MROH1: variants seen among roughly 807,000 people sequenced by gnomAD.
MROH1 encodes the protein maestro heat like repeat family member 1.
A neutral mutation model predicts 116.5 loss-of-function variants in MROH1; 117 were observed. The observed-to-expected ratio is 1.00, with a 90% CI of 0.86 to 1.17. MROH1 has a LOEUF of 1.17. Among genes scored for constraint, MROH1 ranks in the 50% most tolerant of loss-of-function variants. The probability of loss-of-function intolerance (pLI) is 0.00; values close to 1 mark genes in which losing one functional copy is unlikely to be tolerated. For synonymous variants in MROH1, 921 were observed against 583.9 expected, an observed-to-expected ratio of 1.58 and a Z score of -8.32; for missense variants, 1,873 against 1,338.5, an observed-to-expected ratio of 1.40 and a Z score of -6.23.
intron 1 of MROH1, among the ~76,000 whole-genome samples, chr8:144,160,417 C>T (rs925112067): frequency 2.0e-5 from 3 of 152,342 alleles, no homozygotes; most frequent in Middle Eastern, 6.8e-3. Context: ...TTGTGTGGCT[C>T]TTTCTGCAGC....
intron 35 of MROH1, among the ~76,000 whole-genome samples, chr8:144,256,281 G>T (rs1016520418): frequency 6.6e-6 from 1 of 152,124 alleles, no homozygotes; most frequent in African/African-American, 2.4e-5. Context: ...CCATGTGAAC[G>T]CAGGGCTGCC....
In MROH1 at chr8:144,248,922, C is replaced by A; in HGVS notation, c.3166C>A (p.Leu1056Ile). 1 of 777,144 alleles carries A rather than the reference C, an allele frequency of 1.3e-6. No homozygotes were observed. The highest frequency in any genetic ancestry group is 2.4e-6 in the Non-Finnish European group (1 of 416,370). 48.1% of individuals were successfully genotyped at this position (777,144 alleles called of 1,614,324 possible). A position where few individuals can be genotyped will look rare whatever the true frequency, so the allele number is the denominator to read the frequency against. ...LPPDQLISLL[L>I]TMFEALGDPE... Reference sequence around the variant, plus strand: ...CCCAGACCAGCTCATCAGCCTCTTGCTAACCATGTTTGAGGCCCTGGGAGA... The same window carrying A: ...CCCAGACCAGCTCATCAGCCTCTTGATAACCATGTTTGAGGCCCTGGGAGA... Residue 1056 changes from leucine to isoleucine, a missense_variant, in exon 32 of 44, where the codon CTA (leucine) becomes ATA (isoleucine). Physicochemically the swap from Leu to Ile is conservative, Grantham distance 5. Transcript: ENST00000326134.
At chr8:144,219,752 C>T (rs1484655006) in intron 12 of MROH1, among the ~76,000 whole-genome samples, 1 of 152,182 alleles carries the variant, frequency 6.6e-6, no homozygotes, top group Non-Finnish European at 1.5e-5. Flanking sequence ...GGAACATTGG[C>T]ATAGAGAGCT....
intron 12 of MROH1, among the ~76,000 whole-genome samples, chr8:144,206,676 G>A (rs970906617): frequency 2.6e-5 from 4 of 151,232 alleles, no homozygotes; most frequent in Middle Eastern, 3.4e-3. Flanking sequence ...CACCCGCCTC[G>A]GTCTCCCAAA....
At chr8:144,169,065 G>T (rs190580174) in intron 4 of MROH1, among the ~76,000 whole-genome samples, 1 of 152,216 alleles carries the variant, frequency 6.6e-6, no homozygotes, top group African/African-American at 2.4e-5. Flanking sequence ...CCAGGATTTC[G>T]GCCTCGCCTG....
intron 4 of MROH1, 98 bp downstream of exon 4, chr8:144,168,538 C>T (rs1305117952): frequency 1.3e-5 from 18 of 1,436,796 alleles, no homozygotes; most frequent in African/African-American, 1.1e-4. Context: ...AGCAGTGGGT[C>T]GGGTGTTACG....
intron 4 of MROH1, chr8:144,174,859 G>A (rs1823427143): frequency 1.0e-6 from 1 of 985,178 alleles, no homozygotes; most frequent in South Asian, 4.7e-5. Flanking sequence ...ATAACCCATT[G>A]CAGACTTGCT....
At chr8:144,236,992 G>A (rs1048989637) in intron 14 of MROH1, among the ~76,000 whole-genome samples, 3 of 129,052 alleles carry the variant, frequency 2.3e-5, no homozygotes, top group Non-Finnish European at 4.7e-5. Flanking sequence ...TGCAAGCTCC[G>A]CCTGCCAGGT....
At chr8:144,179,638 A>T in intron 5 of MROH1, 52 bp downstream of exon 5, 1 of 1,559,654 alleles carries the variant, frequency 6.4e-7, no homozygotes, top group Non-Finnish European at 8.7e-7. Context: ...TTGGGAAGGG[A>T]AGCTGCTTCT....
At chr8:144,192,870 G>A in intron 10 of MROH1, 1 of 331,800 alleles carries the variant, frequency 3.0e-6, no homozygotes, top group Non-Finnish European at 5.9e-6. Flanking sequence ...CAGGTCGGGT[G>A]AATGAGGCTG....
chr8:144,180,601 G>C lies in MROH1; in HGVS notation c.562+78G>C. ...GTTCCCGGGCATGCCTGTTTTAGGG[G>C]GGACAGGTGGGCACTTTAGGCTGCA... On this transcript the variant is annotated intron_variant, in intron 7 of 43. Transcript: ENST00000326134. This position sits in a 1 kb window ranked among gnomAD's most constrained non-coding sequence, Gnocchi z 7.4. The C allele has an allele frequency of 1.5e-6, 2 of 1,376,620 alleles. No individual in the cohort carries two copies. Among genetic ancestry groups the C allele is most frequent in the Non-Finnish European group, 2.0e-6 (2 of 999,058 alleles). 85.3% of individuals were successfully genotyped at this position (1,376,620 alleles called of 1,614,324 possible). A position where few individuals can be genotyped will look rare whatever the true frequency, so the allele number is the denominator to read the frequency against.
chr8:144,192,959 T>C (rs1439436141), intron 10 of MROH1: 3 of 234,366 alleles, frequency 1.3e-5, no homozygotes, highest in African/African-American at 7.1e-5. Context: ...ACTTTCTGGA[T>C]GAGAGAGGAG....
intron 35 of MROH1, among the ~76,000 whole-genome samples, chr8:144,258,403 G>A (rs1844324794): frequency 6.6e-6 from 1 of 152,226 alleles, no homozygotes; most frequent in South Asian, 2.1e-4. Flanking sequence ...AACCCGAGGT[G>A]CCAGGCAGGA....
chr8:144,237,079 G>C (rs956259598), intron 14 of MROH1, among the ~76,000 whole-genome samples: 1 of 151,390 alleles, frequency 6.6e-6, no homozygotes, highest in Non-Finnish European at 1.5e-5. Flanking sequence ...CTAATTTTTT[G>C]TATTTTTAGT....
Position 144,240,146 on chromosome 8 carries a change from T to C in MROH1, c.1820T>C (p.Leu607Pro). The change falls in exon 19 of 44, where the codon CTG becomes CCG. Residue 607 changes from leucine to proline, a missense_variant. Transcript: ENST00000326134. ...TLPQEEWEEK[L>P]LMFLRDTLAI... ...CCACAGGAGGAGTGGGAGGAGAAGC[T>C]GTTGATGGTGAGGGCCGGGGTACGG... The C allele has an allele frequency of 1.3e-6, 1 of 778,286 alleles. No homozygotes were observed. The highest frequency in any genetic ancestry group is 1.3e-5 in the South Asian group (1 of 74,132). The allele number at this position is 778,286 out of a possible 1,614,324, so 48.2% of individuals were successfully genotyped here. A position where few individuals can be genotyped will look rare whatever the true frequency, so the allele number is the denominator to read the frequency against.
At chr8:144,205,160 G>A (rs1482227840) in intron 12 of MROH1, among the ~76,000 whole-genome samples, 2 of 152,182 alleles carry the variant, frequency 1.3e-5, no homozygotes, top group Non-Finnish European at 2.9e-5. Context: ...AAAGTACTGG[G>A]ATTACAGGCG....
chr8:144,229,778 A>G (rs1369310212), intron 14 of MROH1, among the ~76,000 whole-genome samples: 1 of 152,172 alleles, frequency 6.6e-6, no homozygotes, highest in Non-Finnish European at 1.5e-5. Context: ...TTATGCCTGT[A>G]ATCCCAGCAC....
intron 14 of MROH1, among the ~76,000 whole-genome samples, chr8:144,228,714 G>T (rs1235013805): frequency 6.6e-6 from 1 of 152,110 alleles, no homozygotes; most frequent in Admixed American, 6.6e-5. Flanking sequence ...CACCCGCCTC[G>T]GCCTCCCAAA....
intron 7 of MROH1, among the ~76,000 whole-genome samples, chr8:144,187,590 TTA>T (rs1460800114): frequency 6.6e-6 from 1 of 152,240 alleles, no homozygotes; most frequent in Admixed American, 6.5e-5. Context: ...CAGCTGAAGC[TTA>T]TCTGCATTCC....
Sources: allele counts gnomAD v4.1 joint callset (sites outside exome capture counted in the v4.1 genomes callset), GRCh38; gene constraint gnomAD v4.1.1; non-coding constraint Gnocchi (gnomAD v3.1); transcripts MANE v1.5; gene names NCBI Gene and HGNC (gene_info 2026-07-23, HGNC 2026-07-21).